The following SGSM3 variants were observed in gnomAD, a reference collection of about 807,000 sequenced individuals.
The protein encoded by SGSM3 is RUN and SH3 containing 3.
In SGSM3, 96 loss-of-function variants were observed where a neutral mutation model predicts 100.5. The observed-to-expected ratio is 0.96, with a 90% CI of 0.81 to 1.13. The LOEUF (loss-of-function observed/expected upper bound fraction) is 1.13. Ranked by LOEUF, SGSM3 falls within the 50% of genes most tolerant of loss-of-function variation. The pLI is 0.00. For missense variants in SGSM3, 1,001 were observed against 1,015.8 expected (o/e 0.99, Z 0.20); for synonymous variants, 483 against 422.8 (o/e 1.14, Z -1.75).
intron 16 of SGSM3, 58 bp downstream of exon 16, chr22:40,408,487 AG>A: frequency 1.2e-6 from 2 of 1,604,686 alleles, no homozygotes; most frequent in Admixed American, 3.3e-5. Context: ...TGTGCCCCCT[AG>A]TACCCATCTT....
chr22:40,381,770 C>T (rs780362309), intron 1 of SGSM3, among the ~76,000 whole-genome samples: 1 of 152,092 alleles, frequency 6.6e-6, no homozygotes, highest in Non-Finnish European at 1.5e-5. Flanking sequence ...GCCTGAGCAA[C>T]ATGGCAAAAC....
chr22:40,391,121 T>C (rs1312180633), intron 1 of SGSM3, among the ~76,000 whole-genome samples: 1 of 152,108 alleles, frequency 6.6e-6, no homozygotes, highest in African/African-American at 2.4e-5. Flanking sequence ...TTTGAAAGAA[T>C]AATGGTCAAA....
intron 1 of SGSM3, among the ~76,000 whole-genome samples, chr22:40,385,933 C>T (rs1006824128): frequency 2.0e-5 from 3 of 151,888 alleles, no homozygotes; most frequent in Non-Finnish European, 4.4e-5. Flanking sequence ...CCCACTGCAG[C>T]GTCGACCTCC....
At chr22:40,377,984 T>A (rs2046930541) in intron 1 of SGSM3, among the ~76,000 whole-genome samples, 1 of 152,160 alleles carries the variant, frequency 6.6e-6, no homozygotes, top group South Asian at 2.1e-4. Flanking sequence ...AAAGAGTAGA[T>A]ATTACTAGCA....
At chr22:40,379,259 G>A (rs975846170) in intron 1 of SGSM3, 1 of 152,228 alleles carries the variant, frequency 6.6e-6, no homozygotes, top group Admixed American at 6.5e-5. Flanking sequence ...ATAAACATAT[G>A]TTGATTGAAT....
chr22:40,370,612 CG>C lies in SGSM3; in HGVS notation c.-187del, dbSNP rs879786664. On this transcript the variant is annotated 5_prime_UTR_variant, in exon 1 of 22. Transcript: ENST00000248929. ...CCCCGCCACGCGTGCGCTTAGGCGC[CG>C]CTGAGCGCTGACTGGGTGCGAGTGG... 2 of 152,602 alleles carry C rather than the reference CG, an allele frequency of 1.3e-5. No homozygotes were observed. Among genetic ancestry groups the C allele is most frequent in the Non-Finnish European group, 2.9e-5 (2 of 68,226 alleles). 9.5% of individuals were successfully genotyped at this position (152,602 alleles called of 1,614,324 possible).
rs1291405183 is a variant in SGSM3, at chr22:40,408,411, C to A, written c.1764C>A (p.Pro588=). Residue 588 remains proline, a synonymous_variant, in exon 16 of 22, where the codon CCC becomes CCA. Transcript: ENST00000248929. ...KPSLLGGACH[P]WLFIEEAAGR... is the part of the protein sequence containing the mutation. ...CCCTGCTTGGGGGCGCCTGCCACCC[C>A]TGGCTGTTTATCGAGGAGGTAAGTC... The A allele has an allele frequency of 1.2e-6, 2 of 1,613,422 alleles. No individual in the cohort carries two copies. The highest frequency in any genetic ancestry group is 2.7e-5 in the African/African-American group (2 of 74,928).
chr22:40,403,489 C>T (rs1249543482), intron 4 of SGSM3, among the ~76,000 whole-genome samples: 2 of 152,122 alleles, frequency 1.3e-5, no homozygotes, highest in Admixed American at 6.6e-5. Context: ...AGTAAACAAG[C>T]ATGTAATATT....
chr22:40,402,223 T>G lies in SGSM3; in HGVS notation c.157+18T>G, dbSNP rs55740286. 74,895 of 1,598,128 alleles carry G rather than the reference T, an allele frequency of 0.047. 2,143 individuals are homozygous for G. Among genetic ancestry groups the G allele is most frequent in the Non-Finnish European group, 0.054 (62,646 of 1,165,370 alleles). ...CAAGGAAGGTAAACTTGAGCCCCTTTTGTGTGTCATCTTGCTGATGTTCTT... is the reference window on the plus strand; with the variant it reads ...CAAGGAAGGTAAACTTGAGCCCCTTGTGTGTGTCATCTTGCTGATGTTCTT... On this transcript the variant is annotated intron_variant, in intron 4 of 21. Coordinates refer to ENST00000248929, the MANE Select transcript of SGSM3 (RefSeq NM_015705.6).
At chr22:40,387,794 A>T (rs1248669131) in intron 1 of SGSM3, among the ~76,000 whole-genome samples, 2 of 152,220 alleles carry the variant, frequency 1.3e-5, no homozygotes, top group African/African-American at 2.4e-5. Flanking sequence ...GACTCAGGTA[A>T]GTAACCAGAT....
rs772548638 is a variant in SGSM3 at position 40,405,290 on chromosome 22, CACAGCCCCAGAAAGGGCAGTG to C, written c.618+7_618+27del. On this transcript the variant is annotated splice_region_variant and intron_variant, in intron 7 of 21. Coordinates refer to ENST00000248929, the MANE Select transcript of SGSM3 (RefSeq NM_015705.6). The stretch of plus-strand genomic sequence containing the variant: ...ACTGCCAGGGCACCGGCATGGTGAG[CACAGCCCCAGAAAGGGCAGTG>C]GCAGCCCCAGGACCCCCTCCAGGAC... 6.7e-7 allele frequency: 1 copy of C among 1,496,254 alleles called. No individual in the cohort carries two copies. The highest frequency in any genetic ancestry group is 1.4e-5 in the South Asian group (1 of 73,752). 92.7% of individuals were successfully genotyped at this position (1,496,254 alleles called of 1,614,324 possible).
chr22:40,388,710 GCGA>G (rs1269111918), intron 1 of SGSM3, among the ~76,000 whole-genome samples: 2 of 152,166 alleles, frequency 1.3e-5, no homozygotes, highest in African/African-American at 4.8e-5. Flanking sequence ...ATGGTGAAAA[GCGA>G]CGGCAGCCTC....
rs2051716376 is a variant in SGSM3, at chr22:40,407,300, A to T, written c.1340A>T (p.Gln447Leu). ...EAILRVARHF[Q>L]CTDPKNCSVE... The stretch of plus-strand genomic sequence containing the variant: ...ATCCTGCGCGTGGCACGCCACTTCC[A>T]GTGCACAGACCCCAAAAACTGCAGC... The change falls in exon 12 of 22, where the codon CAG (glutamine) becomes CTG (leucine). Residue 447 changes from glutamine (Q) to leucine (L), a missense_variant. Gln to Leu is a moderately radical substitution (Grantham distance 113). Coordinates refer to ENST00000248929, the MANE Select transcript of SGSM3 (RefSeq NM_015705.6). This position sits in a 1 kb window ranked among gnomAD's most constrained non-coding sequence, Gnocchi z 4.7. The T allele has an allele frequency of 6.2e-7, 1 of 1,613,462 alleles. No individual in the cohort carries two copies. Among genetic ancestry groups the T allele is most frequent in the African/African-American group, 1.3e-5 (1 of 74,938 alleles).
rs555936111 is a variant in SGSM3 at position 40,407,704 on chromosome 22, G to A, written c.1525-85G>A. On this transcript the variant is annotated intron_variant, in intron 13 of 21. Coordinates refer to ENST00000248929, the MANE Select transcript of SGSM3 (RefSeq NM_015705.6). This position sits in a 1 kb window ranked among gnomAD's most constrained non-coding sequence, Gnocchi z 4.7. ...GATGTAGGGGTCTTGGCCTGGCCTA[G>A]TTGCTGAGGAGTCATATCGGGGGTG... The A allele has an allele frequency of 6.3e-7, 1 of 1,588,930 alleles. No homozygotes were observed. The highest frequency in any genetic ancestry group is 1.7e-5 in the Admixed American group (1 of 59,888).
intron 2 of SGSM3, among the ~76,000 whole-genome samples, chr22:40,401,022 A>C (rs1602017636): frequency 6.6e-6 from 1 of 152,230 alleles, no homozygotes; most frequent in Admixed American, 6.5e-5. Context: ...CAACCCGCAG[A>C]TCTGCAGTCC....
intron 1 of SGSM3, among the ~76,000 whole-genome samples, chr22:40,382,213 T>C (rs1184436192): frequency 2.0e-5 from 3 of 152,216 alleles, no homozygotes; most frequent in Non-Finnish European, 4.4e-5. Context: ...AATGGCATTA[T>C]GTTAACAGCT....
intron 1 of SGSM3, among the ~76,000 whole-genome samples, chr22:40,375,136 T>C (rs2046336881): frequency 6.6e-6 from 1 of 152,234 alleles, no homozygotes; most frequent in Non-Finnish European, 1.5e-5. Context: ...TATGCCTCTT[T>C]TGCAGTGATA....
At position 40,410,220 on chromosome 22, in the gene SGSM3, C is replaced by CACA. The variant is rs1217695508; in HGVS notation, c.*465_*467dup. The CACA allele has an allele frequency of 8.5e-6, 9 of 1,054,338 alleles. No individual in the cohort carries two copies. The African/African-American group carries it at 9.9e-5, about 12-fold the overall frequency. 65.3% of individuals were successfully genotyped at this position (1,054,338 alleles called of 1,614,324 possible). On this transcript the variant is annotated 3_prime_UTR_variant, in exon 22 of 22. Transcript: ENST00000248929. ...CTGCGTGGCCCCTCAGATGCTGGGA[C>CACA]ACAACAGACCCGGGACCCAGCTGTG... is the stretch of plus-strand genomic sequence containing the variant.
chr22:40,390,761 C>T (rs537138280), intron 1 of SGSM3, among the ~76,000 whole-genome samples: 1 of 152,280 alleles, frequency 6.6e-6, no homozygotes, highest in Non-Finnish European at 1.5e-5. Flanking sequence ...TCAAATAAGG[C>T]TTCTTAGAGG....
Sources: allele counts gnomAD v4.1 joint callset (sites outside exome capture counted in the v4.1 genomes callset), GRCh38; gene constraint gnomAD v4.1.1; non-coding constraint Gnocchi (gnomAD v3.1); transcripts MANE v1.5; gene names NCBI Gene and HGNC (gene_info 2026-07-23, HGNC 2026-07-21).